The following TLL1 variants were observed in gnomAD, a reference collection of about 807,000 sequenced individuals.
TLL1 encodes tolloid-like protein 1.
In TLL1, 49 loss-of-function variants were observed where a neutral mutation model predicts 128.2. The observed-to-expected ratio is 0.38, with a 90% confidence interval of 0.30 to 0.48. The LOEUF is 0.48. Ranked by LOEUF, TLL1 falls within the 20% of genes least tolerant of loss-of-function variation. TLL1 has a pLI of 0.96. For synonymous variants in TLL1, 454 were observed against 418.8 expected, an observed-to-expected ratio of 1.08 and a Z score of -1.03; for missense variants, 1,123 against 1,242.0, an observed-to-expected ratio of 0.90 and a Z score of 1.44.
chr4:165,963,307 C>T (rs770788052), intron 1 of TLL1, among the ~76,000 whole-genome samples: 1 of 151,884 alleles, frequency 6.6e-6, no homozygotes, highest in Non-Finnish European at 1.5e-5. Flanking sequence ...TACCCCCATC[C>T]CCCAGCCAGA....
Position 165,907,465 on chromosome 4 carries a change from AAG to A in TLL1, c.169+33397_169+33398del, listed in dbSNP as rs1265552417. On this transcript the variant is annotated intron_variant, in intron 1 of 20. Coordinates refer to ENST00000061240, the MANE Select transcript of TLL1 (RefSeq NM_012464.5). ...CTTGTAAAAGGCATCTTGTCCTGCA[AAG>A]AGAGTATGTCTGGTCAGGAGTAACA... Among the ~76,000 whole-genome samples, 5 of 152,200 alleles carry A rather than the reference AAG, an allele frequency of 3.3e-5. No homozygotes were observed. The East Asian group carries it at 9.6e-4, about 29-fold the overall frequency.
chr4:166,097,515 A>C (rs1742078944), intron 19 of TLL1, among the ~76,000 whole-genome samples: 1 of 152,106 alleles, frequency 6.6e-6, no homozygotes, highest in Admixed American at 6.6e-5. Flanking sequence ...GTTCCTTCAT[A>C]TGTTAGTCAC....
chr4:165,937,912 T>A (rs897049740), intron 1 of TLL1, among the ~76,000 whole-genome samples: 15 of 148,210 alleles, frequency 1.0e-4, no homozygotes, highest in African/African-American at 3.5e-4. Flanking sequence ...TTCTTTTATA[T>A]GTCATATGCT....
At chr4:166,024,384 GCT>G (rs1248068960) in intron 8 of TLL1, among the ~76,000 whole-genome samples, 1 of 152,158 alleles carries the variant, frequency 6.6e-6, no homozygotes, top group African/African-American at 2.4e-5. Context: ...TATGATAATA[GCT>G]CTGTTTTGAT....
intron 1 of TLL1, among the ~76,000 whole-genome samples, chr4:165,969,913 C>G (rs917954459): frequency 8.5e-5 from 13 of 152,048 alleles, no homozygotes; most frequent in Non-Finnish European, 1.9e-4. Flanking sequence ...AGTTGTTACT[C>G]CCAGGTAGGG....
At chr4:165,904,109 G>A (rs1200230097) in intron 1 of TLL1, among the ~76,000 whole-genome samples, 2 of 151,912 alleles carry the variant, frequency 1.3e-5, no homozygotes, top group Non-Finnish European at 1.5e-5. Context: ...CTGTATTAAT[G>A]TTACAGTCGA....
intron 18 of TLL1, among the ~76,000 whole-genome samples, chr4:166,080,023 G>A (rs950066664): frequency 2.0e-5 from 3 of 152,140 alleles, no homozygotes; most frequent in African/African-American, 7.2e-5. Flanking sequence ...GTGGTAGTCT[G>A]TTTGGGCCGC....
At chr4:166,011,157 A>G (rs1737676866) in intron 7 of TLL1, among the ~76,000 whole-genome samples, 1 of 151,436 alleles carries the variant, frequency 6.6e-6, no homozygotes. Context: ...TTGAGATCAT[A>G]TAGGATTTTT....
intron 1 of TLL1, among the ~76,000 whole-genome samples, chr4:165,877,061 A>T (rs1730752529): frequency 6.6e-6 from 1 of 152,248 alleles, no homozygotes; most frequent in African/African-American, 2.4e-5. Context: ...TCTAAACAAG[A>T]TCAAACGTGT....
chr4:166,084,898 A>G (rs1480627785), intron 18 of TLL1, among the ~76,000 whole-genome samples: 1 of 151,000 alleles, frequency 6.6e-6, no homozygotes, highest in Admixed American at 6.6e-5. Flanking sequence ...TTATGGTTCC[A>G]TACACATTTT....
intron 1 of TLL1, among the ~76,000 whole-genome samples, chr4:165,977,640 A>G (rs1054380203): frequency 7.9e-5 from 12 of 152,364 alleles, no homozygotes; most frequent in African/African-American, 2.9e-4. Flanking sequence ...AAATACATTT[A>G]TTTAAGTTGA....
chr4:165,942,634 A>G (rs1005644879), intron 1 of TLL1, among the ~76,000 whole-genome samples: 5 of 149,350 alleles, frequency 3.3e-5, no homozygotes, highest in Admixed American at 2.7e-4. Context: ...TATACTATAT[A>G]TATTAATTAT....
rs765711306 is a variant in TLL1 at position 166,100,821 on chromosome 4, T to A, written c.2987T>A (p.Phe996Tyr). Residue 996 changes from phenylalanine (F) to tyrosine (Y), a missense_variant, in exon 21 of 21, where the codon TTT becomes TAT. Phe to Tyr is a conservative substitution (Grantham distance 22). Coordinates refer to ENST00000061240, the MANE Select transcript of TLL1 (RefSeq NM_012464.5). ...HTDDTINKKG[F>Y]HIRYKSIRYP... ...GATGACACAATCAACAAGAAGGGAT[T>A]TCATATAAGATACAAAAGCATAAGA... 1 of 1,612,962 alleles carries A rather than the reference T, an allele frequency of 6.2e-7. No individual in the cohort carries two copies. Among genetic ancestry groups the A allele is most frequent in the Admixed American group, 1.7e-5 (1 of 59,914 alleles).
chr4:166,040,030 C>A (rs573687712), intron 10 of TLL1, among the ~76,000 whole-genome samples: 2 of 152,176 alleles, frequency 1.3e-5, no homozygotes, highest in African/African-American at 2.4e-5. Context: ...CTGCTGTCAA[C>A]GTTTAACCAC....
At chr4:165,958,783 G>C (rs1367728716) in intron 1 of TLL1, among the ~76,000 whole-genome samples, 1 of 148,670 alleles carries the variant, frequency 6.7e-6, no homozygotes, top group African/African-American at 2.5e-5. Flanking sequence ...CGAAGTCCTT[G>C]CCCATGCCTA....
intron 1 of TLL1, among the ~76,000 whole-genome samples, chr4:165,892,084 G>C (rs926863555): frequency 2.0e-5 from 3 of 152,248 alleles, no homozygotes; most frequent in Admixed American, 2.0e-4. Flanking sequence ...CGGCAGCACG[G>C]AGAAGTGCAG....
intron 1 of TLL1, among the ~76,000 whole-genome samples, chr4:165,949,113 T>A (rs1385983710): frequency 6.6e-6 from 1 of 152,002 alleles, no homozygotes; most frequent in Non-Finnish European, 1.5e-5. Context: ...TTAGAAAAAT[T>A]CATCAAAAGG....
chr4:166,060,957 TC>T (rs1418571246), intron 15 of TLL1, among the ~76,000 whole-genome samples: 1 of 152,174 alleles, frequency 6.6e-6, no homozygotes, highest in African/African-American at 2.4e-5. Flanking sequence ...TTTTCTAACT[TC>T]CTTTGCATCC....
intron 12 of TLL1, chr4:166,044,478 A>G (rs1260534062): frequency 6.9e-7 from 1 of 1,443,330 alleles, no homozygotes; most frequent in East Asian, 2.5e-5. Context: ...CCTTGCATGT[A>G]CCATTTAACT....
Sources: allele counts gnomAD v4.1 joint callset (sites outside exome capture counted in the v4.1 genomes callset), GRCh38; gene constraint gnomAD v4.1.1; transcripts MANE v1.5; gene names NCBI Gene and HGNC (gene_info 2026-07-23, HGNC 2026-07-21).